Variants in ANKRD44 observed in about 807,000 individuals in gnomAD.
The protein encoded by ANKRD44 is serine/threonine-protein phosphatase 6 regulatory ankyrin repeat subunit B.
A neutral mutation model predicts 116.0 loss-of-function variants in ANKRD44; 35 were observed. The observed-to-expected ratio is 0.30, with a 90% CI of 0.23 to 0.40. The LOEUF (loss-of-function observed/expected upper bound fraction) is 0.40. Among genes scored for constraint, ANKRD44 ranks in the 10% least tolerant of loss-of-function variants. The pLI is 1.00. For missense variants in ANKRD44, 1,014 were observed against 1,242.6 expected (o/e 0.82, Z 2.77); for synonymous variants, 435 against 461.8 (o/e 0.94, Z 0.74).
rs1480223201 is a variant in ANKRD44, at chr2:197,212,269, T to C, written c.28-25163A>G. ...CCAAACACGAAAGTCATCTGGCCTC[T>C]GAAACTGGCTTTTATGAGCCAGTAA... On this transcript the variant is annotated intron_variant, in intron 1 of 27. Transcript: ENST00000282272. This position sits in a 1 kb window ranked among gnomAD's most constrained non-coding sequence, Gnocchi z 4.8. Among the ~76,000 whole-genome samples, 1 of 152,200 alleles carries C rather than the reference T, an allele frequency of 6.6e-6. No individual in the cohort carries two copies. Among genetic ancestry groups the C allele is most frequent in the African/African-American group, 2.4e-5 (1 of 41,444 alleles).
intron 4 of ANKRD44, among the ~76,000 whole-genome samples, chr2:197,127,914 C>T (rs906549307): frequency 7.9e-5 from 12 of 152,096 alleles, no homozygotes; most frequent in South Asian, 2.1e-4. Flanking sequence ...TGAGGACGTG[C>T]GGTGTTTGGT....
chr2:197,062,604 C>G (rs1247306251), intron 16 of ANKRD44, among the ~76,000 whole-genome samples: 1 of 152,146 alleles, frequency 6.6e-6, no homozygotes, highest in Non-Finnish European at 1.5e-5. Flanking sequence ...CCTGGAAAAT[C>G]GGGTCACTCC....
intron 1 of ANKRD44, among the ~76,000 whole-genome samples, chr2:197,300,338 G>A (rs768578850): frequency 2.6e-5 from 4 of 152,072 alleles, no homozygotes; most frequent in South Asian, 2.1e-4. Flanking sequence ...GACACAACAC[G>A]TCACTCACCT....
chr2:196,974,109 C>T (rs1301099527), intron 21 of ANKRD44, among the ~76,000 whole-genome samples: 4 of 151,414 alleles, frequency 2.6e-5, no homozygotes, highest in Non-Finnish European at 4.4e-5. Flanking sequence ...TTGAGACAGC[C>T]TCTTGCTCTG....
intron 1 of ANKRD44, among the ~76,000 whole-genome samples, chr2:197,233,362 T>C (rs1310313990): frequency 2.0e-5 from 3 of 152,214 alleles, no homozygotes; most frequent in Non-Finnish European, 2.9e-5. Context: ...AGATACTGAA[T>C]GTCTCTAACC....
chr2:197,008,108 T>C (rs2076233211), intron 19 of ANKRD44, among the ~76,000 whole-genome samples, 185 bp from the exon 20 acceptor site: 1 of 152,212 alleles, frequency 6.6e-6, no homozygotes, highest in South Asian at 2.1e-4. Context: ...TCTGCTCTAA[T>C]GGCCACATGG....
At chr2:197,088,484 G>A (rs890729142) in intron 12 of ANKRD44, among the ~76,000 whole-genome samples, 1 of 142,464 alleles carries the variant, frequency 7.0e-6, no homozygotes, top group Admixed American at 7.0e-5. Context: ...AAAAGAGAAA[G>A]AAGAAAACAA....
At chr2:197,169,768 G>A (rs2080182263) in intron 2 of ANKRD44, among the ~76,000 whole-genome samples, 1 of 152,124 alleles carries the variant, frequency 6.6e-6, no homozygotes, top group African/African-American at 2.4e-5. Flanking sequence ...CCAGGATTCT[G>A]ATACACACTC....
At chr2:197,310,544 G>A in intron 1 of ANKRD44, 34 bp downstream of exon 1, 2 of 1,108,534 alleles carry the variant, frequency 1.8e-6, no homozygotes, top group Non-Finnish European at 2.2e-6. Context: ...CCCCGCGCCC[G>A]CGCGTCCCGC....
intron 1 of ANKRD44, among the ~76,000 whole-genome samples, chr2:197,267,003 T>C (rs1207694549): frequency 6.6e-6 from 1 of 152,222 alleles, no homozygotes; most frequent in Non-Finnish European, 1.5e-5. Context: ...TGTTTTGCTC[T>C]GTAACATATT....
At chr2:197,005,010 C>T (rs999271398) in intron 21 of ANKRD44, among the ~76,000 whole-genome samples, 2 of 151,940 alleles carry the variant, frequency 1.3e-5, no homozygotes, top group Non-Finnish European at 2.9e-5. Flanking sequence ...TATAGAATGG[C>T]TGCTATTTGT....
Position 196,998,403 on chromosome 2 carries a change from A to G in ANKRD44, c.2682T>C (p.Ser894=), listed in dbSNP as rs775884202. The G allele has an allele frequency of 1.2e-6, 2 of 1,613,788 alleles. No homozygotes were observed. Among genetic ancestry groups the G allele is most frequent in the Admixed American group, 3.3e-5 (2 of 60,024 alleles). The change falls in exon 25 of 28, where the codon AGT becomes AGC. Residue 894 remains serine (S), a synonymous_variant. Coordinates refer to ENST00000282272, the MANE Select transcript of ANKRD44 (RefSeq NM_001195144.2). ...QAGAVDILVN[S]AQADLTVKDK... ...CCTTTACAGTCAGATCAGCCTGGGC[A>G]CTGTTCACCAAAATATCTGTAGAAA...
At chr2:196,975,647 C>T (rs1244884168) in intron 21 of ANKRD44, among the ~76,000 whole-genome samples, 3 of 149,824 alleles carry the variant, frequency 2.0e-5, no homozygotes, top group African/African-American at 7.3e-5. Flanking sequence ...AAAAATTAGC[C>T]AGGTGTGGTG....
rs1054391641 is a variant in ANKRD44, at chr2:197,178,900, C to T, written c.111+8123G>A. On this transcript the variant is annotated intron_variant, in intron 2 of 27. Transcript: ENST00000282272. ...ATTTATTAAATAATCCATTCCAGCC[C>T]CAGTGATTTAAAATGCTTCCTTTGG... Among the ~76,000 whole-genome samples the T allele has an allele frequency of 1.9e-4, 29 of 152,190 alleles. No individual in the cohort carries two copies. In the Middle Eastern group the frequency reaches 0.014, roughly 72 times the overall value.
At chr2:196,995,906 A>G (rs2076003698) in intron 25 of ANKRD44, among the ~76,000 whole-genome samples, 1 of 152,220 alleles carries the variant, frequency 6.6e-6, no homozygotes, top group African/African-American at 2.4e-5. Flanking sequence ...TACATCTATT[A>G]TCTATATCAT....
At chr2:197,280,582 G>A (rs967377550) in intron 1 of ANKRD44, among the ~76,000 whole-genome samples, 11 of 152,350 alleles carry the variant, frequency 7.2e-5, no homozygotes, top group Middle Eastern at 6.8e-3. Context: ...GGAGATGGAG[G>A]AGCCAAGTGT....
At chr2:197,113,643 C>T (rs999561658) in intron 8 of ANKRD44, among the ~76,000 whole-genome samples, 1 of 152,202 alleles carries the variant, frequency 6.6e-6, no homozygotes, top group Non-Finnish European at 1.5e-5. Context: ...CAGAAGTGAT[C>T]TCTGAAGTGT....
At chr2:196,969,805 T>C (rs1213156743) in intron 21 of ANKRD44, among the ~76,000 whole-genome samples, 1 of 152,222 alleles carries the variant, frequency 6.6e-6, no homozygotes, top group African/African-American at 2.4e-5. Context: ...GTTAATAGTG[T>C]TCAGAACCAG....
intron 2 of ANKRD44, among the ~76,000 whole-genome samples, chr2:197,186,549 C>T (rs2579413): frequency 5.4e-5 from 8 of 149,272 alleles, no homozygotes; most frequent in Non-Finnish European, 7.4e-5. Flanking sequence ...ACTGCAGCCT[C>T]GAACTCCTGG....
Sources: allele counts gnomAD v4.1 joint callset (sites outside exome capture counted in the v4.1 genomes callset), GRCh38; gene constraint gnomAD v4.1.1; non-coding constraint Gnocchi (gnomAD v3.1); transcripts MANE v1.5; gene names NCBI Gene and HGNC (gene_info 2026-07-23, HGNC 2026-07-21).